IGF2BP2: variants seen among roughly 807,000 people sequenced by gnomAD.
IGF2BP2 encodes the protein insulin-like growth factor 2 mRNA-binding protein 2.
In IGF2BP2, 17 loss-of-function variants were observed where a neutral mutation model predicts 75.8. That is an observed-to-expected ratio of 0.22 (90% confidence interval 0.15 to 0.34). The LOEUF (loss-of-function observed/expected upper bound fraction) is 0.34, where lower values mean the gene tolerates loss of function less well. IGF2BP2 is among the 10% of genes least tolerant of loss of function. The probability of loss-of-function intolerance (pLI) is 1.00; values close to 1 mark genes in which losing one functional copy is unlikely to be tolerated. For missense variants in IGF2BP2, 516 were observed against 772.4 expected (o/e 0.67, Z 3.93); for synonymous variants, 288 against 295.6 (o/e 0.97, Z 0.26).
intron 2 of IGF2BP2, among the ~76,000 whole-genome samples, chr3:185,716,166 T>TA (rs1027282756): frequency 5.1e-4 from 75 of 145,992 alleles, no homozygotes; most frequent in South Asian, 6.5e-4. Context: ...ATAACATGAT[T>TA]AAAAAAAAAA....
chr3:185,800,266 G>C (rs944160145), intron 2 of IGF2BP2, among the ~76,000 whole-genome samples: 1 of 152,024 alleles, frequency 6.6e-6, no homozygotes, highest in East Asian at 1.9e-4. Flanking sequence ...GTCATAGACC[G>C]GGGCCTGTCG....
intron 5 of IGF2BP2, among the ~76,000 whole-genome samples, chr3:185,690,111 G>T (rs2121841): frequency 2.0e-5 from 3 of 152,160 alleles, no homozygotes; most frequent in Non-Finnish European, 4.4e-5. Flanking sequence ...CAGGGCTTAC[G>T]GTTAACAGTT....
intron 1 of IGF2BP2, 34 bp from the exon 2 acceptor site, chr3:185,823,247 G>A (rs1023607659): frequency 2.6e-6 from 4 of 1,555,864 alleles, no homozygotes; most frequent in Non-Finnish European, 3.5e-6. Context: ...TCAGAACCTT[G>A]CTTAGATCAA....
intron 2 of IGF2BP2, among the ~76,000 whole-genome samples, chr3:185,710,033 G>A (rs1317425471): frequency 2.6e-5 from 4 of 151,644 alleles, no homozygotes; most frequent in Non-Finnish European, 4.4e-5. Context: ...GTAGTGAACA[G>A]AACAAAAATA....
At chr3:185,732,631 C>G (rs1728342765) in intron 2 of IGF2BP2, among the ~76,000 whole-genome samples, 1 of 152,174 alleles carries the variant, frequency 6.6e-6, no homozygotes, top group Non-Finnish European at 1.5e-5. Flanking sequence ...ACCCATGTCT[C>G]AAGCTCTCTA....
chr3:185,782,161 G>C (rs1449297172), intron 2 of IGF2BP2, among the ~76,000 whole-genome samples: 1 of 152,136 alleles, frequency 6.6e-6, no homozygotes, highest in African/African-American at 2.4e-5. Context: ...AGAGTGAAGA[G>C]ATGGCCCTAG....
intron 1 of IGF2BP2, among the ~76,000 whole-genome samples, chr3:185,823,834 T>A (rs1741677353): frequency 6.6e-6 from 1 of 151,026 alleles, no homozygotes; most frequent in Non-Finnish European, 1.5e-5. Context: ...GCGGAGCGTG[T>A]GCTGGGGAGA....
intron 14 of IGF2BP2, among the ~76,000 whole-genome samples, chr3:185,649,011 G>A (rs370100906): frequency 1.3e-5 from 2 of 151,982 alleles, no homozygotes; most frequent in East Asian, 1.9e-4. Flanking sequence ...CATCTCTCTC[G>A]GTGGGAATCC....
Position 185,687,134 on chromosome 3 carries a change from A to G in IGF2BP2, c.735T>C (p.His245=), listed in dbSNP as rs1721253042. 5.0e-6 allele frequency: 8 copies of G among 1,613,906 alleles called. No individual in the cohort carries two copies. Among genetic ancestry groups the G allele is most frequent in the Non-Finnish European group, 6.8e-6 (8 of 1,179,954 alleles). ...SGAAEKPVTI[H]ATPEGTSEAC... is the part of the protein sequence containing the mutation. ...CTTCAGAAGTCCCCTCTGGGGTGGC[A>G]TGGATGGTGACAGGCTTCTCTGCAG... is the stretch of plus-strand genomic sequence containing the variant. Residue 245 remains histidine (H), a synonymous_variant, in exon 7 of 16, where the codon CAT becomes CAC. Coordinates refer to ENST00000382199, the MANE Select transcript of IGF2BP2 (RefSeq NM_006548.6).
chr3:185,781,086 G>GT (rs567489906), intron 2 of IGF2BP2, among the ~76,000 whole-genome samples: 81 of 152,240 alleles, frequency 5.3e-4, no homozygotes, highest in African/African-American at 1.8e-3. Flanking sequence ...AGTTATTTGA[G>GT]TTTTTTAACT....
rs1404416092 is a variant in IGF2BP2 at position 185,650,954 on chromosome 3, G to A, written c.1461+1140C>T. 2.6e-5 allele frequency among the ~76,000 whole-genome samples: 4 copies of A among 152,184 alleles called. No homozygotes were observed. In the East Asian group the frequency reaches 7.7e-4, roughly 29 times the overall value. ...GAGACAGTCTTGCTCTGTCACCCAG[G>A]CTAGAGTGCAGTGGCATGATCACAG... On this transcript the variant is annotated intron_variant, in intron 13 of 15. Coordinates refer to ENST00000382199, the MANE Select transcript of IGF2BP2 (RefSeq NM_006548.6).
intron 7 of IGF2BP2, among the ~76,000 whole-genome samples, chr3:185,676,346 AG>A (rs1452091933): frequency 6.6e-6 from 1 of 152,192 alleles, no homozygotes; most frequent in African/African-American, 2.4e-5. Flanking sequence ...TCTAAAGATC[AG>A]CTGAGAAGCT....
Position 185,661,767 on chromosome 3 carries a change from G to C in IGF2BP2, c.1201-3358C>G, listed in dbSNP as rs188322495. Among the ~76,000 whole-genome samples, 152 of 152,156 alleles carry C rather than the reference G, an allele frequency of 1.0e-3. 2 individuals carry two copies. The East Asian group carries it at 0.012, about 12-fold the overall frequency. On this transcript the variant is annotated intron_variant, in intron 10 of 15. Transcript: ENST00000382199. ...GTCAGCATGGAGCTTGTGTTCTACC[G>C]GGGAGGCAGGCACAAAAGAGAACTT...
At chr3:185,664,307 C>T (rs1389233126) in intron 10 of IGF2BP2, among the ~76,000 whole-genome samples, 1 of 152,210 alleles carries the variant, frequency 6.6e-6, no homozygotes, top group African/African-American at 2.4e-5. Context: ...CTGGGACATT[C>T]TGAACTCACT....
chr3:185,754,902 C>A (rs1207195823), intron 2 of IGF2BP2, among the ~76,000 whole-genome samples: 2 of 152,002 alleles, frequency 1.3e-5, no homozygotes, highest in African/African-American at 4.8e-5. Flanking sequence ...GAATTGGGAA[C>A]AAAGAAATGA....
At chr3:185,658,139 G>A (rs543848273) in intron 11 of IGF2BP2, among the ~76,000 whole-genome samples, 2 of 152,276 alleles carry the variant, frequency 1.3e-5, no homozygotes, top group Admixed American at 6.5e-5. Flanking sequence ...CAACAGCAAC[G>A]GCCTAGGCCT....
chr3:185,791,363 G>A (rs558718241), intron 2 of IGF2BP2, among the ~76,000 whole-genome samples: 14 of 152,358 alleles, frequency 9.2e-5, no homozygotes, highest in Non-Finnish European at 1.5e-4. Context: ...GCTGAGGCAC[G>A]AGGACTGCTT....
At chr3:185,751,447 G>A (rs370077542) in intron 2 of IGF2BP2, among the ~76,000 whole-genome samples, 6 of 151,918 alleles carry the variant, frequency 3.9e-5, no homozygotes, top group East Asian at 1.9e-4. Flanking sequence ...GCATGGTGGC[G>A]CACGCCTGTA....
intron 2 of IGF2BP2, among the ~76,000 whole-genome samples, chr3:185,762,802 A>G (rs1732557426): frequency 6.6e-6 from 1 of 152,188 alleles, no homozygotes. Flanking sequence ...TAGCAAATGG[A>G]TGAATTTTAT....
Sources: allele counts gnomAD v4.1 joint callset (sites outside exome capture counted in the v4.1 genomes callset), GRCh38; gene constraint gnomAD v4.1.1; transcripts MANE v1.5; gene names NCBI Gene and HGNC (gene_info 2026-07-23, HGNC 2026-07-21).